The following CTNNA2 variants were observed in gnomAD, a reference collection of about 807,000 sequenced individuals.
CTNNA2 encodes catenin alpha-2.
Under a neutral mutation model 101.0 loss-of-function variants are expected in CTNNA2, and 42 were observed. The observed-to-expected ratio is 0.42, with a 90% CI of 0.32 to 0.54. The LOEUF is 0.54. Among genes scored for constraint, CTNNA2 ranks in the 20% least tolerant of loss-of-function variants. The probability of loss-of-function intolerance (pLI) is 0.14; values close to 1 mark genes in which losing one functional copy is unlikely to be tolerated. For missense variants in CTNNA2, 871 were observed against 1,223.1 expected (o/e 0.71, Z 4.29); for synonymous variants, 450 against 456.4 (o/e 0.99, Z 0.18).
intron 2 of CTNNA2, among the ~76,000 whole-genome samples, chr2:79,696,757 G>A (rs2104732252): frequency 6.6e-6 from 1 of 152,104 alleles, no homozygotes. Context: ...GAGATTTGCA[G>A]CCTTATTTGA....
chr2:80,482,485 T>G (rs1029103757), intron 9 of CTNNA2, among the ~76,000 whole-genome samples: 2 of 152,162 alleles, frequency 1.3e-5, no homozygotes, highest in African/African-American at 4.8e-5. Flanking sequence ...TTTGCCATTG[T>G]AATGTGAAAG....
chr2:79,742,891 T>G (rs1297030731), intron 2 of CTNNA2, among the ~76,000 whole-genome samples: 1 of 152,230 alleles, frequency 6.6e-6, no homozygotes, highest in Non-Finnish European at 1.5e-5. Context: ...AATCACCTCT[T>G]AAGTATTGGT....
chr2:80,380,335 C>T (rs1005373809), intron 7 of CTNNA2, among the ~76,000 whole-genome samples: 3 of 152,094 alleles, frequency 2.0e-5, no homozygotes, highest in Non-Finnish European at 2.9e-5. Context: ...CGCACCTGGC[C>T]AGAGATGTAC....
At chr2:80,021,298 G>A (rs941963807) in intron 7 of CTNNA2, among the ~76,000 whole-genome samples, 3 of 152,084 alleles carry the variant, frequency 2.0e-5, no homozygotes, top group African/African-American at 4.8e-5. Context: ...GGGATTACAG[G>A]TGTGAGCCAC....
At position 80,086,848 on chromosome 2, in the gene CTNNA2, G is replaced by A. The variant is rs576020933; in HGVS notation, c.1056+177051G>A. Among the ~76,000 whole-genome samples the A allele has an allele frequency of 3.2e-4, 49 of 152,044 alleles. No individual in the cohort carries two copies. The South Asian group carries it at 3.5e-3, about 11-fold the overall frequency. On this transcript the variant is annotated intron_variant, in intron 7 of 18. Coordinates refer to ENST00000402739, the MANE Select transcript of CTNNA2 (RefSeq NM_001282597.3). ...GCATTATGAAGACATTTTCCAAATG[G>A]CCTCAAGAAACTGATTTGGTTGTGC... is the stretch of plus-strand genomic sequence containing the variant.
rs559492524 is a variant in CTNNA2 at position 80,018,925 on chromosome 2, T to G, written c.1056+109128T>G. Among the ~76,000 whole-genome samples, 67 of 152,228 alleles carry G rather than the reference T, an allele frequency of 4.4e-4. 1 individual carries two copies. In the South Asian group the frequency reaches 0.013, roughly 30 times the overall value. ...TCCCTCATTATCTGTGGGTTTCACA[T>G]CATGGATTCAATCAACCACAGATTG... On this transcript the variant is annotated intron_variant, in intron 7 of 18. Transcript: ENST00000402739.
chr2:79,970,151 G>A (rs1690376761), intron 7 of CTNNA2, among the ~76,000 whole-genome samples: 1 of 152,148 alleles, frequency 6.6e-6, no homozygotes, highest in Non-Finnish European at 1.5e-5. Flanking sequence ...CAGCCTTTGG[G>A]AACAGTGTTA....
intron 9 of CTNNA2, among the ~76,000 whole-genome samples, chr2:80,543,494 G>A (rs1217388274): frequency 2.0e-5 from 3 of 152,156 alleles, no homozygotes; most frequent in East Asian, 3.9e-4. Flanking sequence ...TTTTCTCACT[G>A]AAATAGCTAT....
chr2:80,345,403 G>A (rs753670350), intron 7 of CTNNA2, among the ~76,000 whole-genome samples: 3 of 152,062 alleles, frequency 2.0e-5, no homozygotes, highest in Non-Finnish European at 4.4e-5. Flanking sequence ...TGCTCAAGTG[G>A]CACCTCCTCC....
rs1674026259 is a variant in CTNNA2, at chr2:79,200,969, C to T, written c.-406+2893C>T. Among the ~76,000 whole-genome samples the T allele has an allele frequency of 2.6e-5, 4 of 152,150 alleles. No individual in the cohort carries two copies. The South Asian group carries it at 8.3e-4, about 31-fold the overall frequency. Reference sequence around the variant, plus strand: ...GAAGAAAAAAAACAGATGTCAGAACCTTAGCTATGAAACTACAATGTGGGG... The same window carrying T: ...GAAGAAAAAAAACAGATGTCAGAACTTTAGCTATGAAACTACAATGTGGGG... On this transcript the variant is annotated intron_variant, in intron 2 of 21. Coordinates refer to the CTNNA2 transcript ENST00000466387.
intron 7 of CTNNA2, among the ~76,000 whole-genome samples, chr2:80,045,919 G>A (rs1317623628): frequency 3.9e-5 from 6 of 152,122 alleles, no homozygotes; most frequent in Non-Finnish European, 8.8e-5. Context: ...CTGCCGAAGC[G>A]GGTTTGATTG....
chr2:80,017,560 T>A (rs1694244807), intron 7 of CTNNA2, among the ~76,000 whole-genome samples: 1 of 151,988 alleles, frequency 6.6e-6, no homozygotes, highest in Non-Finnish European at 1.5e-5. Flanking sequence ...CTTTAAAAAG[T>A]ACTGATGCCT....
Position 79,967,487 on chromosome 2 carries a change from G to C in CTNNA2, c.1056+57690G>C, listed in dbSNP as rs370938653. 9.2e-5 allele frequency among the ~76,000 whole-genome samples: 14 copies of C among 152,230 alleles called. No individual in the cohort carries two copies. In the South Asian group the frequency reaches 1.9e-3, roughly 20 times the overall value. On this transcript the variant is annotated intron_variant, in intron 7 of 18. Coordinates refer to ENST00000402739, the MANE Select transcript of CTNNA2 (RefSeq NM_001282597.3). ...CTCTTTGTTTCCTCTCTTGCCTCAT[G>C]ATGACCAATTCTCCAAATAGTAGCT...
At chr2:80,312,691 T>C (rs1490884246) in intron 7 of CTNNA2, among the ~76,000 whole-genome samples, 2 of 152,274 alleles carry the variant, frequency 1.3e-5, no homozygotes, top group Non-Finnish European at 2.9e-5. Flanking sequence ...TAGTAAGTTC[T>C]GTCTGCTCTG....
intron 12 of CTNNA2, among the ~76,000 whole-genome samples, chr2:80,565,692 G>A (rs151172523): frequency 8.5e-4 from 130 of 152,220 alleles, no homozygotes; most frequent in Middle Eastern, 3.4e-3. Context: ...GCTAGGCAGT[G>A]TGGTAATCAT....
intron 9 of CTNNA2, among the ~76,000 whole-genome samples, chr2:80,542,230 CTTAT>C (rs746926886): frequency 1.3e-3 from 185 of 146,714 alleles, no homozygotes; most frequent in African/African-American, 4.4e-3. Flanking sequence ...GTCTTATTTA[CTTAT>C]TTATTTACAT....
chr2:79,908,669 C>G (rs1412967871), intron 6 of CTNNA2, among the ~76,000 whole-genome samples: 3 of 152,164 alleles, frequency 2.0e-5, no homozygotes, highest in Non-Finnish European at 4.4e-5. Flanking sequence ...TCTGACTACC[C>G]TTTCTGTCTT....
At chr2:79,927,445 A>G (rs1687100029) in intron 7 of CTNNA2, among the ~76,000 whole-genome samples, 1 of 152,144 alleles carries the variant, frequency 6.6e-6, no homozygotes, top group Non-Finnish European at 1.5e-5. Flanking sequence ...AGTCTGAACT[A>G]CAGAGAAGAC....
chr2:80,057,036 T>A (rs1697259000), intron 7 of CTNNA2, among the ~76,000 whole-genome samples: 1 of 152,188 alleles, frequency 6.6e-6, no homozygotes. Flanking sequence ...AGTTAACTCA[T>A]TTAAAAAATT....
Sources: gnomAD v4.1 joint callset for allele counts (sites outside exome capture counted in the v4.1 genomes callset) on GRCh38, gnomAD v4.1.1 for gene constraint, MANE v1.5 for transcripts, NCBI Gene and HGNC (gene_info 2026-07-23, HGNC 2026-07-21) for gene names.